Variants in RNF144B observed in about 807,000 individuals in gnomAD.
The protein encoded by RNF144B is E3 ubiquitin-protein ligase RNF144B.
In RNF144B, 25 loss-of-function variants were observed where a neutral mutation model predicts 40.2. The ratio of observed to expected loss-of-function variants is 0.62; its 90% confidence interval spans 0.45 to 0.87. The LOEUF (loss-of-function observed/expected upper bound fraction) is 0.87. RNF144B is among the 40% of genes least tolerant of loss of function. RNF144B has a pLI of 0.00. For synonymous variants in RNF144B, 145 were observed against 136.3 expected (o/e 1.06, Z -0.44); for missense variants, 365 against 373.7 (o/e 0.98, Z 0.19).
rs1758444549 is a variant in RNF144B at position 18,422,337 on chromosome 6, T to G, written c.166-5244T>G. ...TGTTGTTCTCAGTGTGAGATGTTAT[T>G]TAGAACACACTGGAAACATTGTGAT... On this transcript the variant is annotated intron_variant, in intron 2 of 7. Coordinates refer to ENST00000259939, the MANE Select transcript of RNF144B (RefSeq NM_182757.4). This position sits in a 1 kb window ranked among gnomAD's most constrained non-coding sequence, Gnocchi z 4.7. 6.6e-6 allele frequency among the ~76,000 whole-genome samples: 1 copy of G among 152,192 alleles called. No individual in the cohort carries two copies. Among genetic ancestry groups the G allele is most frequent in the Admixed American group, 6.5e-5 (1 of 15,272 alleles).
rs1759435818 is a variant in RNF144B, at chr6:18,460,862, G to A, written c.681+1111G>A. ...CTTCACTTCTGGTCTTTTAAAGTTT[G>A]GGGTAACATAAGTTGTTTATAGATA... On this transcript the variant is annotated intron_variant, in intron 6 of 7. Coordinates refer to ENST00000259939, the MANE Select transcript of RNF144B (RefSeq NM_182757.4). This position sits in a 1 kb window ranked among gnomAD's most constrained non-coding sequence, Gnocchi z 4.4. Among the ~76,000 whole-genome samples, 1 of 152,158 alleles carries A rather than the reference G, an allele frequency of 6.6e-6. No individual in the cohort carries two copies. Among genetic ancestry groups the A allele is most frequent in the Non-Finnish European group, 1.5e-5 (1 of 68,030 alleles).
At chr6:18,455,008 A>G (rs548908339) in intron 4 of RNF144B, among the ~76,000 whole-genome samples, 3 of 152,330 alleles carry the variant, frequency 2.0e-5, no homozygotes, top group South Asian at 2.1e-4. Flanking sequence ...AGCGAAGTAG[A>G]TATTTGATAT....
chr6:18,440,978 T>C (rs1758951016), intron 4 of RNF144B, among the ~76,000 whole-genome samples: 1 of 151,974 alleles, frequency 6.6e-6, no homozygotes, highest in South Asian at 2.1e-4. Context: ...TAGGAAATAG[T>C]TTATAATGTT....
intron 4 of RNF144B, among the ~76,000 whole-genome samples, chr6:18,445,063 C>A (rs1187179161): frequency 3.3e-5 from 5 of 151,268 alleles, no homozygotes; most frequent in Non-Finnish European, 7.4e-5. Context: ...TGCTTAAGTA[C>A]TTTATTGTCT....
intron 3 of RNF144B, among the ~76,000 whole-genome samples, chr6:18,437,644 A>G (rs980852400): frequency 6.6e-6 from 1 of 152,220 alleles, no homozygotes; most frequent in Admixed American, 6.5e-5. Flanking sequence ...CTTAAATGAG[A>G]AATCCAAAGT....
intron 3 of RNF144B, among the ~76,000 whole-genome samples, chr6:18,437,443 A>T (rs1263386849): frequency 6.6e-6 from 1 of 152,170 alleles, no homozygotes; most frequent in Non-Finnish European, 1.5e-5. Flanking sequence ...CATCTCTTAA[A>T]AAAACAGTAA....
rs1795012163 is a variant in RNF144B at position 18,410,580 on chromosome 6, G to C, written c.165+10881G>C. ...CAGAATCAGGGAAGAGTGACCTGCT[G>C]AGGAACCAAACCGGAAGATGTTCCT... On this transcript the variant is annotated intron_variant, in intron 2 of 7. Transcript: ENST00000259939. This position sits in a 1 kb window ranked among gnomAD's most constrained non-coding sequence, Gnocchi z 4.6. Among the ~76,000 whole-genome samples the C allele has an allele frequency of 1.3e-5, 2 of 152,148 alleles. No individual in the cohort carries two copies. Among genetic ancestry groups the C allele is most frequent in the Non-Finnish European group, 2.9e-5 (2 of 68,018 alleles).
In RNF144B at chr6:18,459,643, G is replaced by A; in HGVS notation, c.573G>A (p.Lys191=). The part of the protein sequence containing the change: ...LFGTDAEAPI[K]QCPVCRVYIE... ...GGACAGATGCAGAAGCCCCCATTAA[G>A]CAGTGCCCAGTTTGCCGGGTTTATA... Residue 191 remains lysine (K), a synonymous_variant, in exon 6 of 8, where the codon AAG becomes AAA. Transcript: ENST00000259939. The surrounding 1 kb of genome is among the most constrained non-coding windows in gnomAD (Gnocchi z 4.2). The A allele has an allele frequency of 6.2e-7, 1 of 1,614,040 alleles. No homozygotes were observed. The highest frequency in any genetic ancestry group is 1.1e-5 in the South Asian group (1 of 91,076).
rs1371325561 is a variant in RNF144B at position 18,422,187 on chromosome 6, G to A, written c.166-5394G>A. On this transcript the variant is annotated intron_variant, in intron 2 of 7. Coordinates refer to ENST00000259939, the MANE Select transcript of RNF144B (RefSeq NM_182757.4). This position sits in a 1 kb window ranked among gnomAD's most constrained non-coding sequence, Gnocchi z 4.7. ...AGGATGCTTTTGGTGTGTTGGATAG[G>A]CTTTTGAGTAGGGAGAGATACTATC... is the stretch of plus-strand genomic sequence containing the variant. Among the ~76,000 whole-genome samples, 4 of 152,146 alleles carry A rather than the reference G, an allele frequency of 2.6e-5. No individual in the cohort carries two copies. Among genetic ancestry groups the A allele is most frequent in the Non-Finnish European group, 4.4e-5 (3 of 68,022 alleles).
chr6:18,460,438 C>T lies in RNF144B; in HGVS notation c.681+687C>T, dbSNP rs1759425104. Among the ~76,000 whole-genome samples, 1 of 152,170 alleles carries T rather than the reference C, an allele frequency of 6.6e-6. No homozygotes were observed. The highest frequency in any genetic ancestry group is 2.4e-5 in the African/African-American group (1 of 41,428). On this transcript the variant is annotated intron_variant, in intron 6 of 7. Transcript: ENST00000259939. This position sits in a 1 kb window ranked among gnomAD's most constrained non-coding sequence, Gnocchi z 4.4. ...CTTAATTTAATCACACTTGCAGAAT[C>T]CCTCTTGTCATATAGGGTAACACAT... is the stretch of plus-strand genomic sequence containing the variant.
intron 2 of RNF144B, among the ~76,000 whole-genome samples, chr6:18,408,773 C>T (rs1004357737): frequency 6.6e-6 from 1 of 152,130 alleles, no homozygotes; most frequent in Non-Finnish European, 1.5e-5. Context: ...CTTCTATTCT[C>T]CTTACTTCCT....
At position 18,441,115 on chromosome 6, in the gene RNF144B, C is replaced by T. The variant is rs1758954222; in HGVS notation, c.331+1371C>T. Among the ~76,000 whole-genome samples, 1 of 152,094 alleles carries T rather than the reference C, an allele frequency of 6.6e-6. No individual in the cohort carries two copies. Among genetic ancestry groups the T allele is most frequent in the South Asian group, 2.1e-4 (1 of 4,814 alleles). ...TTAATATTGACTCTCTCTAATCCATCCACATGGGCCGATTAGATTGAGCAT... is the reference window on the plus strand; with the variant it reads ...TTAATATTGACTCTCTCTAATCCATTCACATGGGCCGATTAGATTGAGCAT... On this transcript the variant is annotated intron_variant, in intron 4 of 7. Coordinates refer to ENST00000259939, the MANE Select transcript of RNF144B (RefSeq NM_182757.4). This position sits in a 1 kb window ranked among gnomAD's most constrained non-coding sequence, Gnocchi z 4.9.
intron 2 of RNF144B, among the ~76,000 whole-genome samples, chr6:18,413,707 G>T (rs1419062347): frequency 6.6e-6 from 1 of 152,238 alleles, no homozygotes; most frequent in Non-Finnish European, 1.5e-5. Flanking sequence ...TTCTTAAGAG[G>T]ACCTCAGTCT....
In RNF144B at chr6:18,406,498, G is replaced by GTA. The variant is rs1213748214; in HGVS notation, c.165+6800_165+6801insAT. On this transcript the variant is annotated intron_variant, in intron 2 of 7. Coordinates refer to ENST00000259939, the MANE Select transcript of RNF144B (RefSeq NM_182757.4). This position sits in a 1 kb window ranked among gnomAD's most constrained non-coding sequence, Gnocchi z 4.2. ...TGTGTGTGTGTGTGTGTGTGTGTGT[G>GTA]TGTAGGGGGAGTAGTAGGAGATGAA... 1.6e-5 allele frequency among the ~76,000 whole-genome samples: 2 copies of GTA among 121,596 alleles called. No individual in the cohort carries two copies. The highest frequency in any genetic ancestry group is 3.3e-5 in the African/African-American group (1 of 30,482). 79.8% of individuals were successfully genotyped at this position (121,596 alleles called of 152,430 possible). A position where few individuals can be genotyped will look rare whatever the true frequency, so the allele number is the denominator to read the frequency against.
intron 3 of RNF144B, among the ~76,000 whole-genome samples, chr6:18,438,367 A>T (rs548901): frequency 5.3e-5 from 8 of 151,886 alleles, no homozygotes; most frequent in African/African-American, 1.7e-4. Flanking sequence ...ATTGCGCATA[A>T]TTTTTTTTGT....
At chr6:18,415,670 C>T (rs1795136198) in intron 2 of RNF144B, among the ~76,000 whole-genome samples, 1 of 152,152 alleles carries the variant, frequency 6.6e-6, no homozygotes, top group African/African-American at 2.4e-5. Flanking sequence ...TCTGTTTAGC[C>T]TGCTGTCCTT....
At position 18,443,236 on chromosome 6, in the gene RNF144B, A is replaced by G. The variant is rs1265630634; in HGVS notation, c.331+3492A>G. 6.6e-6 allele frequency among the ~76,000 whole-genome samples: 1 copy of G among 152,102 alleles called. No individual in the cohort carries two copies. The highest frequency in any genetic ancestry group is 1.5e-5 in the Non-Finnish European group (1 of 68,022). On this transcript the variant is annotated intron_variant, in intron 4 of 7. Transcript: ENST00000259939. This position sits in a 1 kb window ranked among gnomAD's most constrained non-coding sequence, Gnocchi z 4.7. ...TGAAAAACGTAACAGGCCCAGAGGCAATTTCCTCTTAAGTGATTTTGTTTT... is the reference window on the plus strand; with the variant it reads ...TGAAAAACGTAACAGGCCCAGAGGCGATTTCCTCTTAAGTGATTTTGTTTT...
rs1759626361 is a variant in RNF144B, at chr6:18,468,853, A to G, written c.*3786A>G. The G allele has an allele frequency of 6.6e-6, 1 of 152,220 alleles. No homozygotes were observed. The highest frequency in any genetic ancestry group is 1.5e-5 in the Non-Finnish European group (1 of 68,036). 9.4% of individuals were successfully genotyped at this position (152,220 alleles called of 1,614,324 possible). On this transcript the variant is annotated 3_prime_UTR_variant, in exon 8 of 8. Coordinates refer to ENST00000259939, the MANE Select transcript of RNF144B (RefSeq NM_182757.4). ...TAGCTGTTTAGGCTCTCTAGCCACA[A>G]TAAATGTAAGCAGGAAATCAAGTGT... is the stretch of plus-strand genomic sequence containing the variant.
chr6:18,396,754 T>TG (rs1400450559), intron 1 of RNF144B: 3 of 985,108 alleles, frequency 3.0e-6, no homozygotes, highest in Non-Finnish European at 3.6e-6. Context: ...CTGTGTGCCA[T>TG]GAGCCCGGGA....
Sources: allele counts gnomAD v4.1 joint callset (sites outside exome capture counted in the v4.1 genomes callset), GRCh38; gene constraint gnomAD v4.1.1; non-coding constraint Gnocchi (gnomAD v3.1); transcripts MANE v1.5; gene names NCBI Gene and HGNC (gene_info 2026-07-23, HGNC 2026-07-21).